TMEM266: variants seen among roughly 807,000 people sequenced by gnomAD.
TMEM266 encodes the protein Hv1 related protein 1.
A neutral mutation model predicts 50.5 loss-of-function variants in TMEM266; 33 were observed. The observed-to-expected ratio is 0.65, with a 90% confidence interval of 0.50 to 0.87. The LOEUF is 0.87. TMEM266 is among the 40% of genes least tolerant of loss of function. The probability of loss-of-function intolerance (pLI) is 0.00; values close to 1 mark genes in which losing one functional copy is unlikely to be tolerated. For synonymous variants in TMEM266, 310 were observed against 292.3 expected (o/e 1.06, Z -0.62); for missense variants, 655 against 695.1 (o/e 0.94, Z 0.65).
intron 8 of TMEM266, among the ~76,000 whole-genome samples, chr15:76,187,173 C>G (rs896845621): frequency 6.6e-6 from 1 of 152,230 alleles, no homozygotes; most frequent in African/African-American, 2.4e-5. Flanking sequence ...TGAGAACTGC[C>G]ACACACTTGG....
At chr15:76,202,997 C>T (rs1350416390) in intron 10 of TMEM266, among the ~76,000 whole-genome samples, 1 of 151,782 alleles carries the variant, frequency 6.6e-6, no homozygotes, top group African/African-American at 2.4e-5. Context: ...CAAAGACCAC[C>T]GTCTCCAGCC....
At position 76,170,903 on chromosome 15, in the gene TMEM266, G is replaced by T; in HGVS notation, c.514-90G>T. 4 of 1,470,546 alleles carry T rather than the reference G, an allele frequency of 2.7e-6. No homozygotes were observed. The African/African-American group carries it at 5.6e-5, about 21-fold the overall frequency. 91.1% of individuals were successfully genotyped at this position (1,470,546 alleles called of 1,614,324 possible). ...GGTGGGGGCCCGGGCTGCTGGAAAA[G>T]TTGGGCAGCACCAGCTGCTTTGCCT... On this transcript the variant is annotated intron_variant, in intron 6 of 10. Transcript: ENST00000388942.
At chr15:76,120,908 A>C (rs2037333680) in intron 1 of TMEM266, among the ~76,000 whole-genome samples, 1 of 152,182 alleles carries the variant, frequency 6.6e-6, no homozygotes, top group Non-Finnish European at 1.5e-5. Flanking sequence ...GACTCCACTA[A>C]AACATGAATT....
chr15:76,083,233 C>CTTTT (rs3068737), intron 1 of TMEM266, among the ~76,000 whole-genome samples: 5 of 136,242 alleles, frequency 3.7e-5, no homozygotes, highest in African/African-American at 1.4e-4. Context: ...TGCTGATACT[C>CTTTT]TTTTTTTTTT....
chr15:76,194,734 T>C (rs1214946936), intron 9 of TMEM266, among the ~76,000 whole-genome samples: 1 of 152,216 alleles, frequency 6.6e-6, no homozygotes, highest in Admixed American at 6.5e-5. Flanking sequence ...TGCCTTCATC[T>C]GCACATGGCG....
At chr15:76,094,279 A>C (rs1026335419) in intron 1 of TMEM266, among the ~76,000 whole-genome samples, 1 of 151,890 alleles carries the variant, frequency 6.6e-6, no homozygotes, top group Non-Finnish European at 1.5e-5. Context: ...ATCCATGTTG[A>C]GTTGATTTTT....
intron 1 of TMEM266, among the ~76,000 whole-genome samples, chr15:76,130,761 G>A (rs943191512): frequency 2.6e-5 from 4 of 152,184 alleles, no homozygotes; most frequent in African/African-American, 9.7e-5. Flanking sequence ...TGGGGAATTA[G>A]AGGTCCATGA....
At chr15:76,152,323 G>T (rs2037856925) in intron 3 of TMEM266, among the ~76,000 whole-genome samples, 1 of 152,200 alleles carries the variant, frequency 6.6e-6, no homozygotes. Flanking sequence ...GTCGCTGAGG[G>T]CAGAGTGTGG....
chr15:76,120,097 C>A (rs2037317307), intron 1 of TMEM266, among the ~76,000 whole-genome samples: 1 of 152,020 alleles, frequency 6.6e-6, no homozygotes, highest in Non-Finnish European at 1.5e-5. Context: ...ATTTAAAATA[C>A]ATTCTCTTTA....
At chr15:76,140,112 T>G (rs996988145) in intron 3 of TMEM266, among the ~76,000 whole-genome samples, 5 of 152,246 alleles carry the variant, frequency 3.3e-5, no homozygotes, top group African/African-American at 4.8e-5. Flanking sequence ...CAGAGAGGCC[T>G]TTGATTTGAT....
intron 1 of TMEM266, among the ~76,000 whole-genome samples, chr15:76,097,562 C>T (rs1020047061): frequency 2.7e-4 from 41 of 151,974 alleles, no homozygotes; most frequent in African/African-American, 8.7e-4. Context: ...GTGAATCTGA[C>T]GATTATGGGT....
chr15:76,153,650 G>T lies in TMEM266; in HGVS notation c.228-2954G>T, dbSNP rs1252463877. 2.0e-5 allele frequency among the ~76,000 whole-genome samples: 3 copies of T among 152,082 alleles called. No individual in the cohort carries two copies. The highest frequency in any genetic ancestry group is 1.3e-4 in the Admixed American group (2 of 15,260). ...AGGAGGGGAACCGGCTTCCGGGGGC[G>T]CTGAGGCGGCTGGAGGCTGGGTGTG... is the stretch of plus-strand genomic sequence containing the variant. On this transcript the variant is annotated intron_variant, in intron 3 of 10. Transcript: ENST00000388942. This position sits in a 1 kb window ranked among gnomAD's most constrained non-coding sequence, Gnocchi z 4.2.
chr15:76,117,023 C>G (rs1401789924), intron 1 of TMEM266, among the ~76,000 whole-genome samples: 1 of 151,916 alleles, frequency 6.6e-6, no homozygotes, highest in Non-Finnish European at 1.5e-5. Flanking sequence ...CCTCAGCCTC[C>G]TGAATAGCTG....
At chr15:76,156,528 C>T in intron 3 of TMEM266, 76 bp from the exon 4 acceptor site, 1 of 1,506,340 alleles carries the variant, frequency 6.6e-7, no homozygotes, top group African/African-American at 1.4e-5. Context: ...GGTTTGAGAG[C>T]AGGGCTTTGG....
chr15:76,169,767 G>T, intron 5 of TMEM266, 49 bp from the exon 6 acceptor site: 1 of 1,580,542 alleles, frequency 6.3e-7, no homozygotes, highest in South Asian at 1.1e-5. Flanking sequence ...AATCTTCTCG[G>T]CTGGAGGAAG....
At chr15:76,149,244 C>A (rs966078853) in intron 3 of TMEM266, among the ~76,000 whole-genome samples, 1 of 152,212 alleles carries the variant, frequency 6.6e-6, no homozygotes, top group Non-Finnish European at 1.5e-5. Flanking sequence ...AGACATCATA[C>A]ACAGTGAGCC....
intron 1 of TMEM266, among the ~76,000 whole-genome samples, chr15:76,062,089 T>A (rs1364594816): frequency 6.6e-6 from 1 of 152,230 alleles, no homozygotes; most frequent in Non-Finnish European, 1.5e-5. Flanking sequence ...TTCCTAGCAG[T>A]TCTCATGGAC....
At chr15:76,148,755 C>G (rs1310379365) in intron 3 of TMEM266, among the ~76,000 whole-genome samples, 1 of 110,926 alleles carries the variant, frequency 9.0e-6, no homozygotes, top group African/African-American at 3.4e-5. Context: ...TGCCACCATA[C>G]CCTACTGTTT....
At chr15:76,116,469 C>T (rs1182102836) in intron 1 of TMEM266, among the ~76,000 whole-genome samples, 1 of 152,046 alleles carries the variant, frequency 6.6e-6, no homozygotes, top group Non-Finnish European at 1.5e-5. Context: ...CCTTCAGAGA[C>T]ACCGTCCTGT....
Sources: allele counts gnomAD v4.1 joint callset (sites outside exome capture counted in the v4.1 genomes callset), GRCh38; gene constraint gnomAD v4.1.1; non-coding constraint Gnocchi (gnomAD v3.1); transcripts MANE v1.5; gene names NCBI Gene and HGNC (gene_info 2026-07-23, HGNC 2026-07-21).